OSBPL10: variants seen among roughly 807,000 people sequenced by gnomAD.
OSBPL10 encodes oxysterol binding protein like 10.
Under a neutral mutation model 81.7 loss-of-function variants are expected in OSBPL10, and 49 were observed. The observed-to-expected ratio is 0.60, with a 90% confidence interval of 0.48 to 0.76. The LOEUF (loss-of-function observed/expected upper bound fraction) is 0.76. Among genes scored for constraint, OSBPL10 ranks in the 30% least tolerant of loss-of-function variants. The pLI is 0.00. For synonymous variants in OSBPL10, 419 were observed against 383.6 expected, an observed-to-expected ratio of 1.09 and a Z score of -1.08; for missense variants, 923 against 987.8, an observed-to-expected ratio of 0.93 and a Z score of 0.88.
At chr3:31,685,024 C>A (rs1700756260) in intron 7 of OSBPL10, among the ~76,000 whole-genome samples, 2 of 152,064 alleles carry the variant, frequency 1.3e-5, no homozygotes, top group Admixed American at 1.3e-4. Context: ...GCTCTACAAC[C>A]CCAAATGCCT....
At chr3:31,964,053 A>C (rs191145280) in intron 1 of OSBPL10, among the ~76,000 whole-genome samples, 14 of 152,236 alleles carry the variant, frequency 9.2e-5, no homozygotes, top group African/African-American at 3.4e-4. Context: ...ACACAGGTAA[A>C]TCTCCCTATT....
rs191167034 is a variant in OSBPL10, at chr3:32,048,371, G to A, written n.186-1768C>T. ...TGCCCAGGCTGGAGTGCAATGGCAC[G>A]ATCTCCGCTCACTGCAACATCTGCC... On this transcript the variant is annotated intron_variant and non_coding_transcript_variant, in intron 1 of 3. Coordinates refer to the OSBPL10 transcript ENST00000479173. Among the ~76,000 whole-genome samples, 78 of 146,410 alleles carry A rather than the reference G, an allele frequency of 5.3e-4. 2 individuals carry two copies. The highest frequency in any genetic ancestry group is 4.4e-3 in the Admixed American group (64 of 14,660).
At chr3:32,030,229 T>C in intron 2 of OSBPL10, 1 of 286,970 alleles carries the variant, frequency 3.5e-6, no homozygotes. Context: ...GAGAGACACG[T>C]GATACATGTT....
chr3:31,683,353 AGGTGTGCACGCACGC>A (rs1700702828), intron 8 of OSBPL10, among the ~76,000 whole-genome samples: 1 of 152,184 alleles, frequency 6.6e-6, no homozygotes, highest in Admixed American at 6.5e-5. Flanking sequence ...AGTACCTGTA[AGGTGTGCACGCACGC>A]GCGTGCACAG....
chr3:31,908,832 AGAG>A (rs1350604835), intron 1 of OSBPL10, among the ~76,000 whole-genome samples: 1 of 152,188 alleles, frequency 6.6e-6, no homozygotes, highest in Non-Finnish European at 1.5e-5. Context: ...TGAGATGGAA[AGAG>A]GAGATGAGCG....
chr3:31,737,287 C>CA (rs987965428), intron 5 of OSBPL10, among the ~76,000 whole-genome samples: 7 of 151,622 alleles, frequency 4.6e-5, no homozygotes, highest in East Asian at 1.9e-4. Context: ...GAGACGAAGG[C>CA]AAAAAAACAT....
rs558324585 is a variant in OSBPL10 at position 31,855,315 on chromosome 3, C to T, written c.537+21118G>A. 2.6e-5 allele frequency among the ~76,000 whole-genome samples: 4 copies of T among 152,284 alleles called. No individual in the cohort carries two copies. In the East Asian group the frequency reaches 5.8e-4, roughly 22 times the overall value. ...GGATTACAGTTTGAGCCGCCATGCT[C>T]GGTGAGTTGTCATGTATCTTTAGCC... On this transcript the variant is annotated intron_variant, in intron 3 of 11. Coordinates refer to ENST00000396556, the MANE Select transcript of OSBPL10 (RefSeq NM_017784.5).
intron 1 of OSBPL10, among the ~76,000 whole-genome samples, chr3:31,920,012 A>G (rs745719010): frequency 1.3e-5 from 2 of 152,254 alleles, no homozygotes; most frequent in Non-Finnish European, 2.9e-5. Flanking sequence ...GAATAATAGA[A>G]TAATGACTAT....
intron 4 of OSBPL10, among the ~76,000 whole-genome samples, chr3:31,771,699 G>A (rs558846768): frequency 2.0e-5 from 3 of 152,244 alleles, no homozygotes; most frequent in South Asian, 2.1e-4. Flanking sequence ...TTCAGGACTC[G>A]GACCTTAATC....
intron 4 of OSBPL10, among the ~76,000 whole-genome samples, chr3:31,828,774 C>A (rs1185692912): frequency 6.6e-6 from 1 of 152,164 alleles, no homozygotes; most frequent in Non-Finnish European, 1.5e-5. Context: ...CTCAAGTGAT[C>A]CACCCACCTT....
At chr3:31,813,406 TACTC>T (rs1465259341) in intron 4 of OSBPL10, among the ~76,000 whole-genome samples, 1 of 152,228 alleles carries the variant, frequency 6.6e-6, no homozygotes, top group Non-Finnish European at 1.5e-5. Flanking sequence ...CTACACCAGT[TACTC>T]ACTTATTAGC....
chr3:31,663,980 T>TA, intron 11 of OSBPL10, 99 bp downstream of exon 11: 1 of 1,612,622 alleles, frequency 6.2e-7, no homozygotes, highest in Admixed American at 1.7e-5. Flanking sequence ...CCCTGCCTGG[T>TA]ATTTATCCAG....
chr3:31,990,361 T>C (rs1350822500), intron 2 of OSBPL10: 1 of 1,614,102 alleles, frequency 6.2e-7, no homozygotes, highest in Non-Finnish European at 8.5e-7. Flanking sequence ...ATCTTACAAG[T>C]GTAATAAATG....
intron 6 of OSBPL10, chr3:31,733,047 T>C (rs968951010): frequency 4.8e-6 from 3 of 622,264 alleles, no homozygotes; most frequent in African/African-American, 1.9e-5. Context: ...ATTCGTAGGA[T>C]CACAATTCAC....
intron 1 of OSBPL10, among the ~76,000 whole-genome samples, chr3:31,881,794 A>G (rs1695588088): frequency 6.6e-6 from 1 of 152,246 alleles, no homozygotes; most frequent in Non-Finnish European, 1.5e-5. Flanking sequence ...ATTTTAACCT[A>G]GAAGCACCAA....
At chr3:31,992,670 T>C (rs1034763388) in intron 2 of OSBPL10, among the ~76,000 whole-genome samples, 5 of 152,128 alleles carry the variant, frequency 3.3e-5, no homozygotes, top group African/African-American at 9.7e-5. Context: ...TTTCAACAAG[T>C]GATGGAACTA....
intron 3 of OSBPL10, among the ~76,000 whole-genome samples, chr3:31,871,246 A>T (rs1348625218): frequency 6.6e-6 from 1 of 151,748 alleles, no homozygotes; most frequent in East Asian, 1.9e-4. Context: ...CTGCAGCTTC[A>T]CTCCTGAAGC....
intron 6 of OSBPL10, chr3:31,716,913 T>A (rs1696461531): frequency 6.6e-6 from 1 of 152,150 alleles, no homozygotes; most frequent in Non-Finnish European, 1.5e-5. Flanking sequence ...CTTTAATCAT[T>A]TATGCTTCTC....
chr3:31,938,390 A>G (rs1697439810), intron 1 of OSBPL10, among the ~76,000 whole-genome samples: 1 of 152,178 alleles, frequency 6.6e-6, no homozygotes, highest in Non-Finnish European at 1.5e-5. Flanking sequence ...AGAAAACCAC[A>G]CAACCATTAA....
Sources: allele counts gnomAD v4.1 joint callset (sites outside exome capture counted in the v4.1 genomes callset), GRCh38; gene constraint gnomAD v4.1.1; transcripts MANE v1.5; gene names NCBI Gene and HGNC (gene_info 2026-07-23, HGNC 2026-07-21).